Variants in TSHR observed in about 807,000 individuals in gnomAD.
TSHR encodes the protein thyroid stimulating hormone receptor.
A neutral mutation model predicts 64.1 loss-of-function variants in TSHR; 51 were observed. That is an observed-to-expected ratio of 0.80 (90% CI 0.64 to 1.01). The LOEUF (loss-of-function observed/expected upper bound fraction) is 1.01, where lower values mean the gene tolerates loss of function less well. TSHR is among the 50% of genes least tolerant of loss of function. The pLI is 0.00. For synonymous variants in TSHR, 361 were observed against 361.9 expected (o/e 1.00, Z 0.03); for missense variants, 877 against 942.8 (o/e 0.93, Z 0.91).
At chr14:81,002,819 T>G in intron 1 of TSHR, among the ~76,000 whole-genome samples, 1 of 106,590 alleles carries the variant, frequency 9.4e-6, no homozygotes, top group African/African-American at 3.3e-5. Flanking sequence ...TCTTTTTTTT[T>G]TTTTTCTTTT....
intron 1 of TSHR, among the ~76,000 whole-genome samples, chr14:80,986,086 T>C (rs185518857): frequency 6.6e-6 from 1 of 152,236 alleles, no homozygotes; most frequent in Admixed American, 6.5e-5. Flanking sequence ...AGTTCTTTCA[T>C]AATATCTGGG....
At chr14:80,999,124 G>A (rs1370968096) in intron 1 of TSHR, among the ~76,000 whole-genome samples, 1 of 152,126 alleles carries the variant, frequency 6.6e-6, no homozygotes, top group Non-Finnish European at 1.5e-5. Flanking sequence ...CTTGGATATC[G>A]TGTACTTTAA....
intron 8 of TSHR, among the ~76,000 whole-genome samples, chr14:81,137,532 C>T (rs1891502571): frequency 6.6e-6 from 1 of 152,132 alleles, no homozygotes; most frequent in South Asian, 2.1e-4. Flanking sequence ...ACCAGACATG[C>T]CAGTGAAGGA....
chr14:81,027,188 AAC>A (rs1328213633), intron 1 of TSHR, among the ~76,000 whole-genome samples: 4 of 152,102 alleles, frequency 2.6e-5, no homozygotes, highest in Admixed American at 6.6e-5. Context: ...GTAGATCGAG[AAC>A]ACAGGGGAAA....
chr14:80,990,886 C>T (rs1327352104), intron 1 of TSHR, among the ~76,000 whole-genome samples: 2 of 152,160 alleles, frequency 1.3e-5, no homozygotes, highest in Admixed American at 6.6e-5. Context: ...AACTCCTGAC[C>T]TCAGGTGATC....
At chr14:80,970,524 C>T (rs1887537543) in intron 1 of TSHR, among the ~76,000 whole-genome samples, 2 of 152,248 alleles carry the variant, frequency 1.3e-5, no homozygotes, top group Admixed American at 1.3e-4. Context: ...CTTTCATTCT[C>T]TTCTTGGGAC....
intron 1 of TSHR, among the ~76,000 whole-genome samples, chr14:80,991,229 G>A (rs2139740853): frequency 6.6e-6 from 1 of 152,240 alleles, no homozygotes; most frequent in South Asian, 2.1e-4. Flanking sequence ...TACCCTAAAT[G>A]CAAGTTGTTT....
At chr14:80,980,954 T>C (rs1425695835) in intron 1 of TSHR, among the ~76,000 whole-genome samples, 4 of 152,214 alleles carry the variant, frequency 2.6e-5, no homozygotes, top group Non-Finnish European at 5.9e-5. Context: ...ATTTTTGTGG[T>C]TTTGATCATG....
At chr14:80,997,328 G>A (rs1400227745) in intron 1 of TSHR, among the ~76,000 whole-genome samples, 1 of 152,186 alleles carries the variant, frequency 6.6e-6, no homozygotes, top group Non-Finnish European at 1.5e-5. Flanking sequence ...AATTCTGTGA[G>A]CTAAACACGG....
At chr14:81,008,178 T>G (rs973176808) in intron 1 of TSHR, among the ~76,000 whole-genome samples, 1 of 147,778 alleles carries the variant, frequency 6.8e-6, no homozygotes, top group Non-Finnish European at 1.5e-5. Flanking sequence ...TTTCTTTCTT[T>G]TTTTTTTTTT....
chr14:81,006,633 C>T (rs1390232636), intron 1 of TSHR, among the ~76,000 whole-genome samples: 1 of 152,124 alleles, frequency 6.6e-6, no homozygotes, highest in Non-Finnish European at 1.5e-5. Flanking sequence ...CTGCCTCAGC[C>T]TCCCGAATAG....
At position 81,109,502 on chromosome 14, in the gene TSHR, G is replaced by T. The variant is rs188168451; in HGVS notation, c.692+1050G>T. ...ACAAGATAATCTGTTAGGGGCGAGAGGAAATATTAGAGGTTCTATTTATAC... is the reference window on the plus strand; with the variant it reads ...ACAAGATAATCTGTTAGGGGCGAGATGAAATATTAGAGGTTCTATTTATAC... On this transcript the variant is annotated intron_variant, in intron 8 of 9. Transcript: ENST00000298171. 2.9e-3 allele frequency among the ~76,000 whole-genome samples: 448 copies of T among 152,284 alleles called. 1 individual carries two copies. Among genetic ancestry groups the T allele is most frequent in the African/African-American group, 0.01 (428 of 41,554 alleles).
intron 1 of TSHR, among the ~76,000 whole-genome samples, chr14:81,054,255 C>T (rs759544198): frequency 7.9e-5 from 12 of 152,158 alleles, no homozygotes; most frequent in Non-Finnish European, 1.2e-4. Flanking sequence ...ATGTGACTTG[C>T]TCCTCCTTGC....
At chr14:81,105,878 T>C (rs944907066) in intron 7 of TSHR, among the ~76,000 whole-genome samples, 2 of 152,122 alleles carry the variant, frequency 1.3e-5, no homozygotes, top group Non-Finnish European at 2.9e-5. Flanking sequence ...CAAAAAGAGA[T>C]GCAAGCCAGT....
At chr14:81,135,992 G>T (rs920245567) in intron 8 of TSHR, among the ~76,000 whole-genome samples, 1 of 152,334 alleles carries the variant, frequency 6.6e-6, no homozygotes, top group South Asian at 2.1e-4. Flanking sequence ...TACTTAGAAC[G>T]ATGACAAGTG....
intron 3 of TSHR, among the ~76,000 whole-genome samples, chr14:81,082,991 A>AG (rs1447615677): frequency 2.0e-5 from 3 of 151,310 alleles, no homozygotes. Flanking sequence ...TGAGGTAGGA[A>AG]GGGGGACACT....
At chr14:81,114,347 C>T (rs1330842987) in intron 8 of TSHR, among the ~76,000 whole-genome samples, 2 of 152,162 alleles carry the variant, frequency 1.3e-5, no homozygotes, top group East Asian at 1.9e-4. Context: ...CAAAGCAGGG[C>T]GAGGCATTGC....
At chr14:80,959,384 A>G (rs144365245) in intron 1 of TSHR, 32 of 152,348 alleles carry the variant, frequency 2.1e-4, no homozygotes, top group African/African-American at 7.7e-4. Context: ...TATAGATCAT[A>G]TATCTCAAAA....
chr14:81,000,133 T>C (rs552080946), intron 1 of TSHR, among the ~76,000 whole-genome samples: 34 of 152,136 alleles, frequency 2.2e-4, no homozygotes, highest in African/African-American at 7.7e-4. Context: ...GGTTTCACCA[T>C]GTTGCCCAGG....
Sources: allele counts gnomAD v4.1 joint callset (sites outside exome capture counted in the v4.1 genomes callset), GRCh38; gene constraint gnomAD v4.1.1; transcripts MANE v1.5; gene names NCBI Gene and HGNC (gene_info 2026-07-23, HGNC 2026-07-21).